KCND3: variants seen among roughly 807,000 people sequenced by gnomAD.
KCND3 encodes the protein A-type voltage-gated potassium channel KCND3.
KCND3 carries 9 observed loss-of-function variants against 51.1 expected under a neutral mutation model. That is an observed-to-expected ratio of 0.18 (90% CI 0.11 to 0.31). The LOEUF is 0.31. Ranked by LOEUF, KCND3 falls within the 10% of genes least tolerant of loss-of-function variation. The probability of loss-of-function intolerance (pLI) is 1.00; values close to 1 mark genes in which losing one functional copy is unlikely to be tolerated. For synonymous variants in KCND3, 349 were observed against 368.0 expected, an observed-to-expected ratio of 0.95 and a Z score of 0.59; for missense variants, 526 against 903.8, an observed-to-expected ratio of 0.58 and a Z score of 5.36.
intron 2 of KCND3, among the ~76,000 whole-genome samples, chr1:111,891,690 G>A (rs995850599): frequency 2.6e-5 from 4 of 152,192 alleles, no homozygotes; most frequent in Non-Finnish European, 5.9e-5. Context: ...CCCACAACTA[G>A]TATGTAGATT....
intron 3 of KCND3, among the ~76,000 whole-genome samples, chr1:111,784,628 C>G (rs1469113720): frequency 6.6e-6 from 1 of 152,214 alleles, no homozygotes; most frequent in Admixed American, 6.5e-5. Context: ...CCACTTTCCA[C>G]CAAATCCTCT....
At chr1:111,855,003 C>T (rs774273174) in intron 2 of KCND3, among the ~76,000 whole-genome samples, 3 of 152,226 alleles carry the variant, frequency 2.0e-5, no homozygotes, top group Non-Finnish European at 4.4e-5. Flanking sequence ...GTACCTGCCA[C>T]TCTGTGGCTT....
intron 2 of KCND3, among the ~76,000 whole-genome samples, chr1:111,796,430 T>C (rs112708773): frequency 0.013 from 2,034 of 152,168 alleles, 40 homozygotes; most frequent in African/African-American, 0.047. Flanking sequence ...ATATACATCA[T>C]GGAATACTAT....
At chr1:111,935,517 A>T (rs1672179205) in intron 2 of KCND3, among the ~76,000 whole-genome samples, 1 of 152,136 alleles carries the variant, frequency 6.6e-6, no homozygotes, top group African/African-American at 2.4e-5. Flanking sequence ...CCCCTGGGAG[A>T]TGCAAACCTT....
chr1:111,989,418 T>G (rs1675508748), intron 1 of KCND3, among the ~76,000 whole-genome samples, 87 bp downstream of exon 1: 1 of 151,714 alleles, frequency 6.6e-6, no homozygotes, highest in Non-Finnish European at 1.5e-5. Flanking sequence ...AGTGGGAGGG[T>G]GCCGCGTGGG....
chr1:111,970,633 G>A lies in KCND3; in HGVS notation c.1106+10988C>T, dbSNP rs139260810. 1.7e-3 allele frequency among the ~76,000 whole-genome samples: 261 copies of A among 152,234 alleles called. 1 individual carries two copies. Among genetic ancestry groups the A allele is most frequent in the African/African-American group, 6.1e-3 (255 of 41,526 alleles). On this transcript the variant is annotated intron_variant, in intron 2 of 7. Coordinates refer to ENST00000302127, the MANE Select transcript of KCND3 (RefSeq NM_001378969.1). ...GTGAACACAGGCATTTCTCTTACTG[G>A]ACTAAAGCTCCTAATGAAGCCAGTG...
intron 2 of KCND3, among the ~76,000 whole-genome samples, chr1:111,837,505 T>C (rs12723808): frequency 0.011 from 1,731 of 152,304 alleles, 17 homozygotes; most frequent in African/African-American, 0.025. Context: ...GAGAATAGTT[T>C]AGTGACTTGA....
chr1:111,860,654 C>G (rs931169679), intron 2 of KCND3, among the ~76,000 whole-genome samples: 6 of 152,312 alleles, frequency 3.9e-5, no homozygotes, highest in African/African-American at 1.4e-4. Flanking sequence ...AGTGACAGTT[C>G]CAGTTTAGTT....
intron 2 of KCND3, among the ~76,000 whole-genome samples, chr1:111,957,369 G>A (rs1299070956): frequency 6.6e-6 from 1 of 152,184 alleles, no homozygotes; most frequent in African/African-American, 2.4e-5. Flanking sequence ...AAAGCGGTGT[G>A]GCAGAGAGGA....
rs760460512 is a variant in KCND3 at position 111,982,629 on chromosome 1, T to A, written c.98A>T (p.Asp33Val). The A allele has an allele frequency of 4.2e-5, 67 of 1,613,850 alleles. No homozygotes were observed. The highest frequency in any genetic ancestry group is 5.6e-5 in the Non-Finnish European group (66 of 1,179,890). The change falls in exon 2 of 8, where the codon GAC becomes GTC. Residue 33 changes from aspartate to valine, a missense_variant. Physicochemically the swap from Asp to Val is radical, Grantham distance 152. Transcript: ENST00000302127. The surrounding 1 kb of genome is among the most constrained non-coding windows in gnomAD (Gnocchi z 8.5). ...ANCPMPLAPADKNKRQDELIV... is the reference protein window; with the variant it reads ...ANCPMPLAPAVKNKRQDELIV... The stretch of plus-strand genomic sequence containing the variant: ...CAGCTCATCCTGCCGCTTGTTCTTG[T>A]CGGCCGGGGCCAGGGGCATGGGGCA...
intron 2 of KCND3, among the ~76,000 whole-genome samples, chr1:111,874,742 T>C (rs1402571728): frequency 1.3e-5 from 2 of 152,142 alleles, no homozygotes; most frequent in Admixed American, 1.3e-4. Flanking sequence ...CCCCCAACAA[T>C]GACACACACG....
rs1664103107 is a variant in KCND3 at position 111,776,221 on chromosome 1, G to C, written c.1824C>G (p.Ser608=). The change falls in exon 8 of 8, where the codon TCC becomes TCG. Residue 608 remains serine (S), a synonymous_variant. Coordinates refer to ENST00000302127, the MANE Select transcript of KCND3 (RefSeq NM_001378969.1). ...TGCTGATGATGGCTGTGGTGATCTGGGATGTTTTGCAGTTTGGTCTCAGTC... is the reference window on the plus strand; with the variant it reads ...TGCTGATGATGGCTGTGGTGATCTGCGATGTTTTGCAGTTTGGTCTCAGTC... ...DDGLRPNCKT[S]QITTAIISIP... is the part of the protein sequence containing the mutation. 7 of 1,614,216 alleles carry C rather than the reference G, an allele frequency of 4.3e-6. No individual in the cohort carries two copies. Among genetic ancestry groups the C allele is most frequent in the East Asian group, 2.2e-5 (1 of 44,888 alleles).
rs1040007451 is a variant in KCND3 at position 111,964,762 on chromosome 1, C to T, written c.1106+16859G>A. The stretch of plus-strand genomic sequence containing the variant: ...GGGAAAAGGAGGGGGTATTGTCCTA[C>T]CCACCAGGGAGGGACTAAGCAATGA... On this transcript the variant is annotated intron_variant, in intron 2 of 7. Transcript: ENST00000302127. 7.2e-5 allele frequency among the ~76,000 whole-genome samples: 11 copies of T among 152,268 alleles called. No homozygotes were observed. In the East Asian group the frequency reaches 1.2e-3, roughly 16 times the overall value.
intron 2 of KCND3, among the ~76,000 whole-genome samples, chr1:111,881,918 C>T (rs895946480): frequency 5.3e-5 from 8 of 152,180 alleles, no homozygotes; most frequent in African/African-American, 1.4e-4. Flanking sequence ...ACAAGAGCAC[C>T]GTGCTTGGCT....
intron 2 of KCND3, among the ~76,000 whole-genome samples, chr1:111,956,746 C>T (rs535890025): frequency 6.6e-6 from 1 of 152,270 alleles, no homozygotes; most frequent in Admixed American, 6.5e-5. Flanking sequence ...CCTCAAGAAG[C>T]TGGAACACCG....
At chr1:111,786,352 AGT>A (rs1189816390) in intron 3 of KCND3, among the ~76,000 whole-genome samples, 2 of 152,236 alleles carry the variant, frequency 1.3e-5, no homozygotes, top group African/African-American at 4.8e-5. Flanking sequence ...CATTTTCAGC[AGT>A]GTGTATTGAA....
chr1:111,935,014 T>A (rs1305546387), intron 2 of KCND3, among the ~76,000 whole-genome samples: 1 of 152,214 alleles, frequency 6.6e-6, no homozygotes, highest in African/African-American at 2.4e-5. Flanking sequence ...TCACCTTTGC[T>A]TCTTGACTCT....
At chr1:111,925,894 G>A (rs970868594) in intron 2 of KCND3, among the ~76,000 whole-genome samples, 4 of 151,876 alleles carry the variant, frequency 2.6e-5, no homozygotes, top group African/African-American at 7.3e-5. Context: ...TCCTTCCCCC[G>A]ACACCATCCT....
At chr1:111,808,447 C>G (rs531591198) in intron 2 of KCND3, among the ~76,000 whole-genome samples, 1 of 152,352 alleles carries the variant, frequency 6.6e-6, no homozygotes, top group African/African-American at 2.4e-5. Flanking sequence ...CTCATTCCTC[C>G]TCTGTGCCAT....
Sources: allele counts gnomAD v4.1 joint callset (sites outside exome capture counted in the v4.1 genomes callset), GRCh38; gene constraint gnomAD v4.1.1; non-coding constraint Gnocchi (gnomAD v3.1); transcripts MANE v1.5; gene names NCBI Gene and HGNC (gene_info 2026-07-23, HGNC 2026-07-21).